Variants in CCDC91 observed in about 807,000 individuals in gnomAD.
CCDC91 encodes the protein coiled-coil domain containing 91, also known as coiled-coil domain-containing protein 91.
A neutral mutation model predicts 63.2 loss-of-function variants in CCDC91; 48 were observed. That is an observed-to-expected ratio of 0.76 (90% CI 0.60 to 0.97). CCDC91 has a LOEUF of 0.97. Ranked by LOEUF, CCDC91 falls within the 50% of genes least tolerant of loss-of-function variation. CCDC91 has a pLI of 0.00. For synonymous variants in CCDC91, 167 were observed against 165.8 expected, an observed-to-expected ratio of 1.01 and a Z score of -0.06; for missense variants, 500 against 494.6, an observed-to-expected ratio of 1.01 and a Z score of -0.10.
chr12:28,465,898 T>G (rs1467067288), intron 11 of CCDC91, among the ~76,000 whole-genome samples: 1 of 152,124 alleles, frequency 6.6e-6, no homozygotes, highest in African/African-American at 2.4e-5. Context: ...AAATGGCTGT[T>G]TTGAGGAAAC....
At chr12:28,329,188 T>A (rs1941280470) in intron 6 of CCDC91, among the ~76,000 whole-genome samples, 1 of 152,188 alleles carries the variant, frequency 6.6e-6, no homozygotes, top group South Asian at 2.1e-4. Context: ...CAGTTCAATG[T>A]TGGATTTCAA....
At chr12:28,395,225 T>A (rs1946216870) in intron 8 of CCDC91, among the ~76,000 whole-genome samples, 1 of 152,318 alleles carries the variant, frequency 6.6e-6, no homozygotes, top group Admixed American at 6.5e-5. Context: ...AACTTACACT[T>A]TTGACACCAG....
At chr12:28,267,798 T>A (rs1423468714) in intron 3 of CCDC91, among the ~76,000 whole-genome samples, 1 of 36,646 alleles carries the variant, frequency 2.7e-5, no homozygotes, top group East Asian at 5.3e-4. Flanking sequence ...TTATATATAA[T>A]TATATAGTAA....
At chr12:28,237,851 C>T (rs1439584172) in intron 1 of CCDC91, among the ~76,000 whole-genome samples, 1 of 152,152 alleles carries the variant, frequency 6.6e-6, no homozygotes, top group Admixed American at 6.5e-5. Context: ...TTGACCGGCT[C>T]CTCTCTTCCT....
At chr12:28,450,131 A>T in intron 8 of CCDC91, 30 bp from the exon 9 acceptor site, 1 of 1,286,438 alleles carries the variant, frequency 7.8e-7, no homozygotes, top group Non-Finnish European at 1.1e-6. Context: ...TCTCAGAGCC[A>T]TAATATAATT....
At chr12:28,463,721 T>C (rs1440203635) in intron 11 of CCDC91, among the ~76,000 whole-genome samples, 1 of 152,116 alleles carries the variant, frequency 6.6e-6, no homozygotes, top group Non-Finnish European at 1.5e-5. Context: ...AGCATGTCTG[T>C]CTCTGGGGGT....
In CCDC91 at chr12:28,450,266, CTG is replaced by C. The variant is rs1949736053; in HGVS notation, c.855+16_855+17del. On this transcript the variant is annotated intron_variant, in intron 9 of 12. Transcript: ENST00000536442. ...TCAAGAACAGAAGGTAATACTTTAA[CTG>C]TGCTCAGAGTGTAGAAAGAATGTGT... 6.3e-7 allele frequency: 1 copy of C among 1,589,196 alleles called. No homozygotes were observed. The highest frequency in any genetic ancestry group is 1.3e-5 in the African/African-American group (1 of 74,412).
At chr12:28,515,410 G>T (rs746149484) in intron 12 of CCDC91, among the ~76,000 whole-genome samples, 6 of 151,742 alleles carry the variant, frequency 4.0e-5, no homozygotes, top group Non-Finnish European at 7.4e-5. Flanking sequence ...AGAATAGATT[G>T]GGATTTCTAG....
intron 1 of CCDC91, among the ~76,000 whole-genome samples, chr12:28,215,466 A>G (rs1279625640): frequency 1.3e-5 from 2 of 152,098 alleles, no homozygotes; most frequent in African/African-American, 4.8e-5. Context: ...AGTATAACCA[A>G]CAGTTTGTGG....
chr12:28,388,556 G>A (rs751082921), intron 7 of CCDC91, among the ~76,000 whole-genome samples: 3 of 152,062 alleles, frequency 2.0e-5, no homozygotes, highest in African/African-American at 4.8e-5. Context: ...TAACCAAAGC[G>A]TCAAAAGACT....
intron 12 of CCDC91, among the ~76,000 whole-genome samples, chr12:28,520,991 G>A (rs1461410977): frequency 1.3e-4 from 20 of 152,286 alleles, no homozygotes; most frequent in Middle Eastern, 3.4e-3. Context: ...AGTATAGTTT[G>A]AAGTCAGGTA....
chr12:28,460,303 C>T (rs1267541513), intron 11 of CCDC91, among the ~76,000 whole-genome samples: 1 of 152,090 alleles, frequency 6.6e-6, no homozygotes, highest in Non-Finnish European at 1.5e-5. Context: ...CGTTTACGTT[C>T]TCTCATATGA....
At chr12:28,475,870 T>A (rs1236074287) in intron 11 of CCDC91, among the ~76,000 whole-genome samples, 1 of 151,942 alleles carries the variant, frequency 6.6e-6, no homozygotes, top group Non-Finnish European at 1.5e-5. Flanking sequence ...CAGCAGAAAA[T>A]GGACTAAGAT....
At chr12:28,491,162 A>G (rs1592832746) in intron 12 of CCDC91, among the ~76,000 whole-genome samples, 1 of 151,716 alleles carries the variant, frequency 6.6e-6, no homozygotes, top group African/African-American at 2.4e-5. Flanking sequence ...GGCATCTAGT[A>G]TATGAAAATG....
intron 1 of CCDC91, among the ~76,000 whole-genome samples, chr12:28,247,161 CAAAGGTCCATTAA>C (rs1378131733): frequency 6.6e-6 from 1 of 152,186 alleles, no homozygotes; most frequent in Non-Finnish European, 1.5e-5. Flanking sequence ...AACTAGGTTA[CAAAGGTCCATTAA>C]TTCTTGTTAG....
At chr12:28,305,281 A>G (rs567326849) in intron 3 of CCDC91, among the ~76,000 whole-genome samples, 99 of 152,156 alleles carry the variant, frequency 6.5e-4, no homozygotes, top group African/African-American at 2.3e-3. Context: ...TTTTTAAAAA[A>G]ATTAAATGGA....
intron 6 of CCDC91, among the ~76,000 whole-genome samples, chr12:28,352,415 A>G (rs550181200): frequency 6.6e-6 from 1 of 152,326 alleles, no homozygotes; most frequent in Non-Finnish European, 1.5e-5. Flanking sequence ...AAATTGGAGT[A>G]AGTTCTCTCA....
At chr12:28,519,806 G>A (rs61922545) in intron 12 of CCDC91, among the ~76,000 whole-genome samples, 7,113 of 146,672 alleles carry the variant, frequency 0.048, 247 homozygotes, top group Non-Finnish European at 0.07. Context: ...ACCTATGAGT[G>A]AGAACATGTG....
intron 12 of CCDC91, among the ~76,000 whole-genome samples, chr12:28,536,173 TATA>T (rs1942159189): frequency 6.8e-6 from 1 of 146,754 alleles, no homozygotes; most frequent in Admixed American, 6.7e-5. Flanking sequence ...AAAAATCAAA[TATA>T]GTAGGCCAGT....
Sources: gnomAD v4.1 joint callset for allele counts (sites outside exome capture counted in the v4.1 genomes callset) on GRCh38, gnomAD v4.1.1 for gene constraint, MANE v1.5 for transcripts, NCBI Gene and HGNC (gene_info 2026-07-23, HGNC 2026-07-21) for gene names.